Variants in FAM246A observed in about 807,000 individuals in gnomAD.
FAM246A encodes protein FAM246A.
chr22:21,361,164 G>A (rs1921852040), exon 1 of FAM246A, among the ~76,000 whole-genome samples: 1 of 151,536 alleles, frequency 6.6e-6, no homozygotes, highest in African/African-American at 2.4e-5. Flanking sequence ...AGCCGGCCCG[G>A]GGCTCGGGCG....
chr22:21,360,836 G>A (rs1921840399), exon 1 of FAM246A, among the ~76,000 whole-genome samples: 1 of 144,720 alleles, frequency 6.9e-6, no homozygotes, highest in African/African-American at 2.5e-5. Flanking sequence ...CGGCGGCGGC[G>A]GCGGCAGCAG....
At position 21,360,647 on chromosome 22, in the gene FAM246A, T is replaced by C. The variant is rs908477141; in HGVS notation, c.653A>G (p.Lys218Arg). Among the ~76,000 whole-genome samples the C allele has an allele frequency of 4.1e-5, 6 of 145,094 alleles. 1 individual carries two copies. Among genetic ancestry groups the C allele is most frequent in the African/African-American group, 1.6e-4 (6 of 38,168 alleles). ...GGCCCCAGGCGGCACTGGCATCTTC[T>C]TGTGGTTCTTCCTGACCGGGGCTCG... The change falls in exon 1 of 1, where the codon AAG becomes AGG. Residue 218 changes from lysine (K) to arginine (R), a missense_variant. Transcript: ENST00000652479.
exon 1 of FAM246A, among the ~76,000 whole-genome samples, chr22:21,361,221 G>T (rs941321890): frequency 4.6e-5 from 7 of 150,844 alleles, no homozygotes; most frequent in African/African-American, 1.7e-4. Flanking sequence ...TCCCGCCGGC[G>T]GCCCGTGACG....
At chr22:21,361,166 G>C (rs1292619380) in exon 1 of FAM246A, among the ~76,000 whole-genome samples, 3 of 151,546 alleles carry the variant, frequency 2.0e-5, no homozygotes, top group African/African-American at 7.3e-5. Context: ...CCGGCCCGGG[G>C]CTCGGGCGTC....
At chr22:21,360,637 T>C (rs1164731970) in exon 1 of FAM246A, among the ~76,000 whole-genome samples, 3 of 144,344 alleles carry the variant, frequency 2.1e-5, no homozygotes, top group Non-Finnish European at 4.5e-5. Context: ...CAGGCGGCAC[T>C]GGCATCTTCT....
chr22:21,361,069 C>G (rs1921849152), exon 1 of FAM246A, among the ~76,000 whole-genome samples: 1 of 148,958 alleles, frequency 6.7e-6, no homozygotes, highest in Non-Finnish European at 1.5e-5. Context: ...CCGCCCCGGC[C>G]CCCGCACGCT....
exon 1 of FAM246A, among the ~76,000 whole-genome samples, chr22:21,361,160 C>T (rs932917123): frequency 6.6e-6 from 1 of 151,480 alleles, no homozygotes; most frequent in Non-Finnish European, 1.5e-5. Context: ...AGCCAGCCGG[C>T]CCGGGGCTCG....
Position 21,361,280 on chromosome 22 carries a change from G to C in FAM246A, c.20C>G (p.Pro7Arg), listed in dbSNP as rs1364595350. ...GTACGCACTACGCGCCTGGGCCCAC[G>C]GGCGGCCGGGCGTCGCCATCCGCCC... is the stretch of plus-strand genomic sequence containing the variant. The change falls in exon 1 of 1, where the codon CCG becomes CGG. Residue 7 changes from proline (P) to arginine (R), a missense_variant. By Grantham distance (103) the Pro-to-Arg change is moderately radical (BLOSUM62 -2). Coordinates refer to ENST00000652479, the Ensembl canonical transcript of FAM246A. Among the ~76,000 whole-genome samples, 5 of 147,000 alleles carry C rather than the reference G, an allele frequency of 3.4e-5. No individual in the cohort carries two copies. In the East Asian group the frequency reaches 1.1e-3, roughly 32 times the overall value.
chr22:21,360,838 C>CGGT (rs1475698861), exon 1 of FAM246A, among the ~76,000 whole-genome samples: 1 of 144,498 alleles, frequency 6.9e-6, no homozygotes, highest in Non-Finnish European at 1.5e-5. Flanking sequence ...GCGGCGGCGG[C>CGGT]GGCAGCAGCG....
At chr22:21,361,182 G>C (rs1921852555) in exon 1 of FAM246A, among the ~76,000 whole-genome samples, 1 of 151,542 alleles carries the variant, frequency 6.6e-6, no homozygotes, top group East Asian at 1.9e-4. Context: ...GCGTCTTCCT[G>C]GCCCGGCCCA....
chr22:21,361,115 G>A (rs1430760039), exon 1 of FAM246A, among the ~76,000 whole-genome samples: 2 of 150,864 alleles, frequency 1.3e-5, no homozygotes, highest in Admixed American at 6.6e-5. Flanking sequence ...CTCGGACCGC[G>A]AAGCCGCTTC....
At chr22:21,361,125 C>G (rs1262940154) in exon 1 of FAM246A, among the ~76,000 whole-genome samples, 2 of 151,056 alleles carry the variant, frequency 1.3e-5, no homozygotes, top group Non-Finnish European at 2.9e-5. Context: ...GAAGCCGCTT[C>G]GGCCCGGAGC....
exon 1 of FAM246A, among the ~76,000 whole-genome samples, chr22:21,361,142 A>G (rs1381426847): frequency 6.7e-6 from 1 of 150,086 alleles, no homozygotes; most frequent in South Asian, 2.1e-4. Flanking sequence ...GAGCTGGCCG[A>G]GCAGGCGAGC....
chr22:21,360,825 A>ATGG (rs1555873729), exon 1 of FAM246A, among the ~76,000 whole-genome samples: 9 of 140,288 alleles, frequency 6.4e-5, no homozygotes, highest in Admixed American at 5.5e-4. Flanking sequence ...GCAGGCGGGG[A>ATGG]CGGCGGCGGC....
downstream of FAM246A, among the ~76,000 whole-genome samples, chr22:21,359,863 C>A (rs1418457353): frequency 6.1e-4 from 68 of 112,030 alleles, no homozygotes; most frequent in South Asian, 1.8e-3. Context: ...GTTTGTGTCC[C>A]GGTGGCTGCC....
At chr22:21,361,125 C>T (rs1262940154) in exon 1 of FAM246A, among the ~76,000 whole-genome samples, 1 of 151,056 alleles carries the variant, frequency 6.6e-6, no homozygotes, top group African/African-American at 2.4e-5. Flanking sequence ...GAAGCCGCTT[C>T]GGCCCGGAGC....
At chr22:21,361,133 A>G (rs1160479870) in exon 1 of FAM246A, among the ~76,000 whole-genome samples, 1 of 150,872 alleles carries the variant, frequency 6.6e-6, no homozygotes, top group African/African-American at 2.4e-5. Flanking sequence ...TTCGGCCCGG[A>G]GCTGGCCGAG....
At chr22:21,360,904 G>T (rs1921843325) in exon 1 of FAM246A, among the ~76,000 whole-genome samples, 1 of 145,986 alleles carries the variant, frequency 6.8e-6, no homozygotes, top group Non-Finnish European at 1.5e-5. Flanking sequence ...CAATCTCGGC[G>T]CCCAGCTCCT....
At chr22:21,360,796 G>C (rs901190505) in exon 1 of FAM246A, among the ~76,000 whole-genome samples, 4 of 145,704 alleles carry the variant, frequency 2.7e-5, no homozygotes, top group African/African-American at 7.7e-5. Context: ...CGCGGGGGAC[G>C]GCGCGGGGCT....
Sources: gnomAD v4.1 joint callset for allele counts (sites outside exome capture counted in the v4.1 genomes callset) on GRCh38, gnomAD v4.1.1 for gene constraint, MANE v1.5 for transcripts, NCBI Gene and HGNC (gene_info 2026-07-23, HGNC 2026-07-21) for gene names.